The following PKP4 variants were observed in gnomAD, a reference collection of about 807,000 sequenced individuals.
The protein encoded by PKP4 is plakophilin 4.
In PKP4, 90 loss-of-function variants were observed where a neutral mutation model predicts 145.1. That is an observed-to-expected ratio of 0.62 (90% CI 0.52 to 0.74). PKP4 has a LOEUF of 0.74. PKP4 is among the 30% of genes least tolerant of loss of function. The probability of loss-of-function intolerance (pLI) is 0.00; values close to 1 mark genes in which losing one functional copy is unlikely to be tolerated. For missense variants in PKP4, 1,340 were observed against 1,482.7 expected (o/e 0.90, Z 1.58); for synonymous variants, 563 against 577.2 (o/e 0.98, Z 0.35).
chr2:158,596,766 G>C (rs112244528), intron 3 of PKP4, among the ~76,000 whole-genome samples: 1,576 of 152,270 alleles, frequency 0.01, 29 homozygotes, highest in African/African-American at 0.035. Context: ...CAGAGGGGGA[G>C]AAATGTCAGA....
Position 158,523,316 on chromosome 2 carries a change from C to T in PKP4, c.-5-9864C>T, listed in dbSNP as rs543807364. Among the ~76,000 whole-genome samples the T allele has an allele frequency of 2.5e-5, 3 of 119,026 alleles. No individual in the cohort carries two copies. In the Admixed American group the frequency reaches 2.8e-4, roughly 11 times the overall value. The allele number at this position is 119,026 out of a possible 152,430, so 78.1% of individuals were successfully genotyped here. ...GGCAGACTACCTCCTCAAGTGGGTC[C>T]CTGACCCCTGACCCCCGAGCAGCCT... On this transcript the variant is annotated intron_variant, in intron 1 of 21. Transcript: ENST00000389759.
intron 1 of PKP4, among the ~76,000 whole-genome samples, chr2:158,477,792 CTG>C (rs1692718986): frequency 6.6e-6 from 1 of 152,174 alleles, no homozygotes; most frequent in Non-Finnish European, 1.5e-5. Flanking sequence ...CTGCAGTACA[CTG>C]TGATCCTACC....
chr2:158,463,443 A>G (rs189925978), intron 1 of PKP4, among the ~76,000 whole-genome samples: 1 of 151,700 alleles, frequency 6.6e-6, no homozygotes, highest in Admixed American at 6.6e-5. Context: ...ATTTGAAATC[A>G]GCAGGAGACT....
At chr2:158,640,280 T>TAGCC (rs2054164005) in intron 9 of PKP4, among the ~76,000 whole-genome samples, 1 of 152,204 alleles carries the variant, frequency 6.6e-6, no homozygotes, top group South Asian at 2.1e-4. Context: ...AGTGCACGTG[T>TAGCC]TTACCTGAGC....
chr2:158,536,850 A>T (rs2044092904), intron 2 of PKP4, among the ~76,000 whole-genome samples: 1 of 152,194 alleles, frequency 6.6e-6, no homozygotes, highest in African/African-American at 2.4e-5. Flanking sequence ...CCCAGCCTGA[A>T]GTCAAATCTC....
chr2:158,458,364 A>G (rs947459996), intron 1 of PKP4: 4 of 149,524 alleles, frequency 2.7e-5, no homozygotes, highest in Admixed American at 6.6e-5. Flanking sequence ...GCAGAGGGGA[A>G]GCGCGGTAAT....
intron 19 of PKP4, among the ~76,000 whole-genome samples, chr2:158,675,236 A>G (rs768969680): frequency 1.3e-5 from 2 of 152,158 alleles, no homozygotes; most frequent in Admixed American, 1.3e-4. Flanking sequence ...TCTGCGGCCC[A>G]TGGGTTTTAT....
intron 1 of PKP4, among the ~76,000 whole-genome samples, chr2:158,524,296 C>G (rs1212458810): frequency 7.9e-5 from 8 of 100,988 alleles, no homozygotes; most frequent in African/African-American, 1.3e-4. Flanking sequence ...GGCAGAAACC[C>G]TACAAGCCAG....
chr2:158,585,988 A>G (rs1404440095), intron 3 of PKP4, among the ~76,000 whole-genome samples: 1 of 150,702 alleles, frequency 6.6e-6, no homozygotes, highest in African/African-American at 2.4e-5. Context: ...GGATTTGCCT[A>G]TTCTCAACAT....
At chr2:158,619,755 A>G (rs1013208196) in intron 4 of PKP4, among the ~76,000 whole-genome samples, 6 of 152,328 alleles carry the variant, frequency 3.9e-5, no homozygotes, top group African/African-American at 1.4e-4. Flanking sequence ...CATCCTAGAC[A>G]CTGAGGATAT....
intron 2 of PKP4, among the ~76,000 whole-genome samples, chr2:158,544,399 G>T (rs2044790299): frequency 6.6e-6 from 1 of 152,056 alleles, no homozygotes; most frequent in Non-Finnish European, 1.5e-5. Flanking sequence ...TTTCCTTTTG[G>T]GAAGTATTAT....
intron 3 of PKP4, among the ~76,000 whole-genome samples, chr2:158,597,050 G>T (rs746378212): frequency 2.2e-4 from 33 of 152,302 alleles, no homozygotes; most frequent in Non-Finnish European, 4.4e-4. Context: ...TGATAGATAT[G>T]TGAATGTCTC....
chr2:158,671,072 T>C (rs967170616), intron 17 of PKP4, among the ~76,000 whole-genome samples: 2 of 152,192 alleles, frequency 1.3e-5, no homozygotes, highest in Non-Finnish European at 2.9e-5. Flanking sequence ...CTTCCTCTTA[T>C]ACCTGACTCT....
intron 1 of PKP4, among the ~76,000 whole-genome samples, chr2:158,526,688 T>C (rs978811464): frequency 5.6e-5 from 5 of 89,882 alleles, no homozygotes; most frequent in African/African-American, 2.3e-4. Context: ...AAAGAGGAAG[T>C]CAAATTGTCC....
At chr2:158,572,694 T>G (rs1404532104) in intron 2 of PKP4, among the ~76,000 whole-genome samples, 1 of 152,208 alleles carries the variant, frequency 6.6e-6, no homozygotes, top group Non-Finnish European at 1.5e-5. Flanking sequence ...TTTCCCCCGA[T>G]AGTTACGATA....
At chr2:158,534,154 A>G (rs911475378) in intron 2 of PKP4, among the ~76,000 whole-genome samples, 1 of 152,072 alleles carries the variant, frequency 6.6e-6, no homozygotes, top group Admixed American at 6.5e-5. Context: ...CAAGATAGGT[A>G]ATGTTGTATT....
intron 8 of PKP4, among the ~76,000 whole-genome samples, chr2:158,633,377 A>G (rs1346707838): frequency 1.3e-5 from 2 of 152,244 alleles, no homozygotes; most frequent in Non-Finnish European, 2.9e-5. Flanking sequence ...TGAGACAGTA[A>G]ATCTAATAGT....
At chr2:158,597,742 C>T (rs2049881207) in intron 3 of PKP4, among the ~76,000 whole-genome samples, 1 of 152,106 alleles carries the variant, frequency 6.6e-6, no homozygotes, top group African/African-American at 2.4e-5. Context: ...TTTATTTTTT[C>T]AGCTATTAAT....
At chr2:158,562,557 A>G (rs2046627952) in intron 2 of PKP4, among the ~76,000 whole-genome samples, 1 of 152,198 alleles carries the variant, frequency 6.6e-6, no homozygotes, top group Non-Finnish European at 1.5e-5. Flanking sequence ...GATGATGGTG[A>G]TGGTTGCACA....
Sources: allele counts gnomAD v4.1 joint callset (sites outside exome capture counted in the v4.1 genomes callset), GRCh38; gene constraint gnomAD v4.1.1; transcripts MANE v1.5; gene names NCBI Gene and HGNC (gene_info 2026-07-23, HGNC 2026-07-21).